CHTF8: variants seen among roughly 807,000 people sequenced by gnomAD.
CHTF8 encodes chromosome transmission fidelity factor 8.
A neutral mutation model predicts 11.0 loss-of-function variants in CHTF8; 6 were observed. That is an observed-to-expected ratio of 0.55 (90% CI 0.30 to 1.08). The LOEUF (loss-of-function observed/expected upper bound fraction) is 1.08, where lower values mean the gene tolerates loss of function less well. CHTF8 is among the 50% of genes least tolerant of loss of function. The pLI, the probability that CHTF8 is intolerant of heterozygous loss-of-function variation, is 0.07. For missense variants in CHTF8, 140 were observed against 153.1 expected (o/e 0.91, Z 0.45); for synonymous variants, 53 against 60.5 (o/e 0.88, Z 0.57).
At position 69,121,493 on chromosome 16, in the gene CHTF8, G is replaced by T; in HGVS notation, c.-35C>A. ...GTCTTTAAAAAGCAAGTGAAAACAA[G>T]CTGTAGAGAGAAAAAAAGAGATTTA... On this transcript the variant is annotated splice_region_variant and 5_prime_UTR_variant, in exon 2 of 4. Transcript: ENST00000448552. 1 of 1,574,530 alleles carries T rather than the reference G, an allele frequency of 6.4e-7. No homozygotes were observed. The highest frequency in any genetic ancestry group is 8.6e-7 in the Non-Finnish European group (1 of 1,159,040).
At position 69,125,430 on chromosome 16, in the gene CHTF8, T is replaced by C. The variant is rs1597116511; in HGVS notation, c.-35-3937A>G. ...CACACACAGCTGCTATGTGACAGAG[T>C]AGAAATCTGGGCCATCTGACTATCT... On this transcript the variant is annotated intron_variant, in intron 1 of 3. Coordinates refer to ENST00000448552, the MANE Select transcript of CHTF8 (RefSeq NM_001039690.5). Among the ~76,000 whole-genome samples, 3 of 152,176 alleles carry C rather than the reference T, an allele frequency of 2.0e-5. No individual in the cohort carries two copies. The South Asian group carries it at 6.2e-4, about 32-fold the overall frequency.
intron 1 of CHTF8, among the ~76,000 whole-genome samples, chr16:69,125,905 C>T (rs1249690003): frequency 6.6e-6 from 1 of 152,166 alleles, no homozygotes; most frequent in Admixed American, 6.5e-5. Flanking sequence ...CCAAATATAA[C>T]ATCTGCTGAG....
chr16:69,122,299 C>A (rs1023640908), intron 1 of CHTF8, among the ~76,000 whole-genome samples: 1 of 151,874 alleles, frequency 6.6e-6, no homozygotes, highest in Non-Finnish European at 1.5e-5. Flanking sequence ...TGATATGAAC[C>A]GAAGACATAC....
chr16:69,132,581 T>C lies in CHTF8; in HGVS notation c.-133A>G, dbSNP rs772652079. 2.5e-4 allele frequency: 103 copies of C among 407,136 alleles called. No homozygotes were observed. Among genetic ancestry groups the C allele is most frequent in the Non-Finnish European group, 4.4e-5 (9 of 206,062 alleles). The allele number at this position is 407,136 out of a possible 1,614,324, so 25.2% of individuals were successfully genotyped here. A position where few individuals can be genotyped will look rare whatever the true frequency, so the allele number is the denominator to read the frequency against. ...GCCGCCGCGAGCACTGCCTGCGCAC[T>C]TCCGACTATGCGCCAGGAGCACTTC... On this transcript the variant is annotated 5_prime_UTR_variant, in exon 1 of 4. Coordinates refer to ENST00000448552, the MANE Select transcript of CHTF8 (RefSeq NM_001039690.5).
chr16:69,120,929 A>G lies in CHTF8; in HGVS notation c.141+124T>C, dbSNP rs1337482332. 2 of 854,772 alleles carry G rather than the reference A, an allele frequency of 2.3e-6. No homozygotes were observed. Among genetic ancestry groups the G allele is most frequent in the Non-Finnish European group, 4.1e-6 (2 of 487,758 alleles). The allele number at this position is 854,772 out of a possible 1,614,324, so 52.9% of individuals were successfully genotyped here. Reference sequence around the variant, plus strand: ...GGTAGGGGGAGAACAAGCAGAGAGCATCGCAGATTAGCTAGGCCTTGAATA... The same window carrying G: ...GGTAGGGGGAGAACAAGCAGAGAGCGTCGCAGATTAGCTAGGCCTTGAATA... On this transcript the variant is annotated intron_variant, in intron 3 of 3. Transcript: ENST00000448552. This position sits in a 1 kb window ranked among gnomAD's most constrained non-coding sequence, Gnocchi z 4.0.
Position 69,118,108 on chromosome 16 carries a change from TTTC to T in CHTF8, c.*2314_*2316del, listed in dbSNP as rs1961291904. 3.8e-6 allele frequency: 2 copies of T among 524,206 alleles called. No homozygotes were observed. The highest frequency in any genetic ancestry group is 6.9e-6 in the Non-Finnish European group (2 of 290,556). 32.5% of individuals were successfully genotyped at this position (524,206 alleles called of 1,614,324 possible). A position where few individuals can be genotyped will look rare whatever the true frequency, so the allele number is the denominator to read the frequency against. On this transcript the variant is annotated 3_prime_UTR_variant, in exon 4 of 4. Transcript: ENST00000448552. ...CACCAGGCCGAACAAAGCACAGTGA[TTTC>T]TTCCCTTCATCCCCCACCCCCACCC...
At chr16:69,127,516 A>G (rs1361190420) in intron 1 of CHTF8, among the ~76,000 whole-genome samples, 2 of 151,746 alleles carry the variant, frequency 1.3e-5, no homozygotes, top group Non-Finnish European at 2.9e-5. Flanking sequence ...CTCTATCAAG[A>G]GCATCTGAAG....
In CHTF8 at chr16:69,119,414, C is replaced by T. The variant is rs1285978944; in HGVS notation, c.*1011G>A. ...TGAGCTGAATTAGGGCCTATGGGGC[C>T]AGGAGCCCTTGACATGGGAGATGGA... is the stretch of plus-strand genomic sequence containing the variant. On this transcript the variant is annotated 3_prime_UTR_variant, in exon 4 of 4. Transcript: ENST00000448552. The T allele has an allele frequency of 1.1e-5, 8 of 702,838 alleles. No individual in the cohort carries two copies. The highest frequency in any genetic ancestry group is 2.1e-5 in the Non-Finnish European group (8 of 384,986). 43.5% of individuals were successfully genotyped at this position (702,838 alleles called of 1,614,324 possible). A position where few individuals can be genotyped will look rare whatever the true frequency, so the allele number is the denominator to read the frequency against.
chr16:69,121,222 T>C (rs1362170496), intron 2 of CHTF8, 52 bp from the exon 3 acceptor site: 4 of 1,495,268 alleles, frequency 2.7e-6, no homozygotes, highest in Non-Finnish European at 3.7e-6. Flanking sequence ...GAAGGATGAA[T>C]AGTGTCCTCA....
intron 1 of CHTF8, chr16:69,132,054 T>G (rs1391919918): frequency 6.5e-6 from 1 of 153,062 alleles, no homozygotes; most frequent in Non-Finnish European, 1.5e-5. Context: ...CTGGGCTCCC[T>G]CCCAACCCCG....
chr16:69,132,462 TG>T (rs1254524567), intron 1 of CHTF8, 21 bp downstream of exon 1: 3 of 185,794 alleles, frequency 1.6e-5, no homozygotes, highest in Non-Finnish European at 3.0e-5. Flanking sequence ...CAGCCTCCCG[TG>T]CCCCCCGCCC....
intron 1 of CHTF8, 88 bp from the exon 2 acceptor site, chr16:69,121,581 G>T: frequency 1.4e-6 from 1 of 736,586 alleles, no homozygotes; most frequent in Non-Finnish European, 2.2e-6. Context: ...GGGTTCAATC[G>T]ATTCTCCTGC....
chr16:69,118,649 T>C lies in CHTF8; in HGVS notation c.*1776A>G. 1 of 695,820 alleles carries C rather than the reference T, an allele frequency of 1.4e-6. No individual in the cohort carries two copies. The highest frequency in any genetic ancestry group is 2.6e-6 in the Non-Finnish European group (1 of 380,838). The allele number at this position is 695,820 out of a possible 1,614,324, so 43.1% of individuals were successfully genotyped here. ...ATCCTTTCTCTCAAGGGCAGGATTA[T>C]TCCCACCTGCCACAGTTCACATGCC... is the stretch of plus-strand genomic sequence containing the variant. On this transcript the variant is annotated 3_prime_UTR_variant, in exon 4 of 4. Coordinates refer to ENST00000448552, the MANE Select transcript of CHTF8 (RefSeq NM_001039690.5).
Position 69,120,991 on chromosome 16 carries a change from G to T in CHTF8, c.141+62C>A. 1 of 1,399,486 alleles carries T rather than the reference G, an allele frequency of 7.1e-7. No individual in the cohort carries two copies. The highest frequency in any genetic ancestry group is 1.0e-6 in the Non-Finnish European group (1 of 983,958). The allele number at this position is 1,399,486 out of a possible 1,614,324, so 86.7% of individuals were successfully genotyped here. A position where few individuals can be genotyped will look rare whatever the true frequency, so the allele number is the denominator to read the frequency against. On this transcript the variant is annotated intron_variant, in intron 3 of 3. Coordinates refer to ENST00000448552, the MANE Select transcript of CHTF8 (RefSeq NM_001039690.5). This position sits in a 1 kb window ranked among gnomAD's most constrained non-coding sequence, Gnocchi z 4.0. ...GCAGTCCTCACTCTGGGTCCTGGGA[G>T]CACCACCTTGGTGTAGCTTGCTTTC...
intron 1 of CHTF8, chr16:69,131,529 C>A (rs1254022171): frequency 6.7e-6 from 1 of 149,382 alleles, no homozygotes; most frequent in Non-Finnish European, 1.5e-5. Context: ...CCCCCTCCCA[C>A]CCTTTCTGCT....
At chr16:69,124,891 A>G (rs192406386) in intron 1 of CHTF8, among the ~76,000 whole-genome samples, 2 of 152,024 alleles carry the variant, frequency 1.3e-5, no homozygotes, top group Admixed American at 1.3e-4. Flanking sequence ...CTTTGGGAAC[A>G]TGAAATTGGT....
At chr16:69,125,450 C>CT (rs1376888556) in intron 1 of CHTF8, among the ~76,000 whole-genome samples, 1 of 151,264 alleles carries the variant, frequency 6.6e-6, no homozygotes, top group African/African-American at 2.4e-5. Context: ...GGCCATCTGA[C>CT]TATCTACACT....
In CHTF8 at chr16:69,132,468, C is replaced by CA. The variant is rs769558756; in HGVS notation, c.-36+15_-36+16insT. On this transcript the variant is annotated intron_variant, in intron 1 of 3. Coordinates refer to ENST00000448552, the MANE Select transcript of CHTF8 (RefSeq NM_001039690.5). ...CGCTCCCCGCAGCCTCCCGTGCCCC[C>CA]CGCCCGCGGCCTGACCTGCAATGGC... 4.6e-6 allele frequency: 1 copy of CA among 216,214 alleles called. No homozygotes were observed. The highest frequency in any genetic ancestry group is 9.0e-6 in the Non-Finnish European group (1 of 111,416). 13.4% of individuals were successfully genotyped at this position (216,214 alleles called of 1,614,324 possible).
chr16:69,119,660 A>G lies in CHTF8; in HGVS notation c.*765T>C. On this transcript the variant is annotated 3_prime_UTR_variant, in exon 4 of 4. Coordinates refer to ENST00000448552, the MANE Select transcript of CHTF8 (RefSeq NM_001039690.5). The stretch of plus-strand genomic sequence containing the variant: ...AAGTTAAGACCAGATCCTGTGCCCA[A>G]GAGGCCACCTGCTCTGGCATCTAGA... 1 of 676,070 alleles carries G rather than the reference A, an allele frequency of 1.5e-6. No individual in the cohort carries two copies. The highest frequency in any genetic ancestry group is 2.7e-5 in the East Asian group (1 of 36,890). The allele number at this position is 676,070 out of a possible 1,614,324, so 41.9% of individuals were successfully genotyped here.
Sources: allele counts gnomAD v4.1 joint callset (sites outside exome capture counted in the v4.1 genomes callset), GRCh38; gene constraint gnomAD v4.1.1; non-coding constraint Gnocchi (gnomAD v3.1); transcripts MANE v1.5; gene names NCBI Gene and HGNC (gene_info 2026-07-23, HGNC 2026-07-21).